The following BRINP1 variants were observed in gnomAD, a reference collection of about 807,000 sequenced individuals.
BRINP1 encodes the protein BMP/retinoic acid inducible neural specific 1, also known as BMP/retinoic acid-inducible neural-specific protein 1.
A neutral mutation model predicts 72.9 loss-of-function variants in BRINP1; 17 were observed. The ratio of observed to expected loss-of-function variants is 0.23; its 90% CI spans 0.16 to 0.35. BRINP1 has a LOEUF of 0.35. Among genes scored for constraint, BRINP1 ranks in the 10% least tolerant of loss-of-function variants. The pLI is 1.00. For missense variants in BRINP1, 850 were observed against 1,001.6 expected, an observed-to-expected ratio of 0.85 and a Z score of 2.04; for synonymous variants, 418 against 378.5, an observed-to-expected ratio of 1.10 and a Z score of -1.21.
intron 5 of BRINP1, among the ~76,000 whole-genome samples, chr9:119,217,820 G>A (rs761419847): frequency 1.3e-5 from 2 of 151,728 alleles, no homozygotes; most frequent in African/African-American, 2.4e-5. Flanking sequence ...ATTCTCTTCT[G>A]TACTGAGAAT....
At chr9:119,358,861 G>A (rs139987095) in intron 1 of BRINP1, among the ~76,000 whole-genome samples, 2,797 of 152,188 alleles carry the variant, frequency 0.018, 73 homozygotes, top group African/African-American at 0.049. Context: ...ATCATTTTGC[G>A]TTCTCCCACG....
At chr9:119,191,809 G>C (rs1829686600) in intron 7 of BRINP1, among the ~76,000 whole-genome samples, 1 of 151,778 alleles carries the variant, frequency 6.6e-6, no homozygotes, top group African/African-American at 2.4e-5. Flanking sequence ...TGAGAAAGAA[G>C]AACAAAGTAA....
intron 2 of BRINP1, among the ~76,000 whole-genome samples, chr9:119,268,338 G>A (rs992214934): frequency 6.6e-6 from 1 of 151,204 alleles, no homozygotes; most frequent in African/African-American, 2.4e-5. Context: ...CTCTACCATA[G>A]CTGATACGGA....
intron 7 of BRINP1, among the ~76,000 whole-genome samples, chr9:119,182,028 A>G (rs1250731849): frequency 6.6e-6 from 1 of 152,224 alleles, no homozygotes; most frequent in Non-Finnish European, 1.5e-5. Context: ...CACATAGTAA[A>G]TGATCCCTCT....
chr9:119,312,895 G>A (rs559200854), intron 2 of BRINP1, among the ~76,000 whole-genome samples: 18 of 152,094 alleles, frequency 1.2e-4, no homozygotes, highest in East Asian at 7.7e-4. Context: ...TATATAATAC[G>A]TATTAAGCCC....
chr9:119,339,716 G>A lies in BRINP1; in HGVS notation c.-50-26311C>T, dbSNP rs559954519. Among the ~76,000 whole-genome samples the A allele has an allele frequency of 2.6e-5, 4 of 152,256 alleles. No individual in the cohort carries two copies. In the South Asian group the frequency reaches 6.2e-4, roughly 24 times the overall value. On this transcript the variant is annotated intron_variant, in intron 1 of 7. Coordinates refer to ENST00000265922, the MANE Select transcript of BRINP1 (RefSeq NM_014618.3). ...ACAGATGAGGAAACAAGCTCAGAGA[G>A]GTTAAGTGATTCACCCACCGTCACA...
chr9:119,247,203 C>T (rs377224648), intron 3 of BRINP1, among the ~76,000 whole-genome samples: 1 of 152,150 alleles, frequency 6.6e-6, no homozygotes, highest in East Asian at 1.9e-4. Flanking sequence ...GAAATGAATT[C>T]ATTTTCACTT....
intron 2 of BRINP1, among the ~76,000 whole-genome samples, chr9:119,291,935 T>C (rs1830826181): frequency 6.6e-6 from 1 of 152,176 alleles, no homozygotes; most frequent in African/African-American, 2.4e-5. Flanking sequence ...GAGTTGGTTG[T>C]TTTTAATAAT....
intron 5 of BRINP1, among the ~76,000 whole-genome samples, chr9:119,223,958 G>A (rs1830066208): frequency 1.3e-5 from 2 of 152,070 alleles, no homozygotes; most frequent in Admixed American, 1.3e-4. Context: ...TATGATTCTT[G>A]AGGACAATAA....
intron 2 of BRINP1, among the ~76,000 whole-genome samples, chr9:119,252,684 G>T (rs563891607): frequency 6.6e-6 from 1 of 151,866 alleles, no homozygotes; most frequent in Admixed American, 6.6e-5. Context: ...AACTGTTAAA[G>T]GTCATGTAGC....
chr9:119,235,502 T>A (rs1830185165), intron 5 of BRINP1, among the ~76,000 whole-genome samples: 1 of 152,216 alleles, frequency 6.6e-6, no homozygotes, highest in Non-Finnish European at 1.5e-5. Flanking sequence ...TAAGTCCCTA[T>A]GCTATCTCGT....
In BRINP1 at chr9:119,313,198, C is replaced by A; in HGVS notation, c.158G>T (p.Ser53Ile). 2 of 1,614,116 alleles carry A rather than the reference C, an allele frequency of 1.2e-6. No homozygotes were observed. Among genetic ancestry groups the A allele is most frequent in the Non-Finnish European group, 1.7e-6 (2 of 1,180,018 alleles). Residue 53 changes from serine (S) to isoleucine (I), a missense_variant, in exon 2 of 8, where the codon AGC becomes ATC. Ser to Ile is a moderately radical substitution (Grantham distance 142). Coordinates refer to ENST00000265922, the MANE Select transcript of BRINP1 (RefSeq NM_014618.3). ...SDRGPFHHSR[S>I]YLSFVERHRQ... ...GTGTCTTTCCACAAAGGATAGGTAG[C>A]TCCTGGAGTGGTGGAAAGGCCCCCT... is the stretch of plus-strand genomic sequence containing the variant.
intron 6 of BRINP1, 41 bp from the exon 7 acceptor site, chr9:119,208,982 A>T (rs1423652243): frequency 1.3e-6 from 2 of 1,530,550 alleles, no homozygotes; most frequent in Non-Finnish European, 1.8e-6. Context: ...GCTAAGCATG[A>T]TAACACCCAT....
intron 5 of BRINP1, among the ~76,000 whole-genome samples, chr9:119,223,641 C>T (rs76296310): frequency 2.6e-5 from 4 of 152,040 alleles, no homozygotes; most frequent in East Asian, 1.9e-4. Context: ...ACCCAGAGTA[C>T]GTGTTTGAAT....
At chr9:119,323,182 T>C (rs186885009) in intron 1 of BRINP1, among the ~76,000 whole-genome samples, 3 of 152,186 alleles carry the variant, frequency 2.0e-5, no homozygotes, top group Admixed American at 1.3e-4. Flanking sequence ...ACCTCAAGCT[T>C]CCACAGGACA....
rs575578557 is a variant in BRINP1, at chr9:119,268,511, C to A, written c.219-19361G>T. Among the ~76,000 whole-genome samples the A allele has an allele frequency of 5.9e-5, 9 of 152,224 alleles. No homozygotes were observed. The South Asian group carries it at 1.7e-3, about 28-fold the overall frequency. On this transcript the variant is annotated intron_variant, in intron 2 of 7. Transcript: ENST00000265922. ...CAGCGCTAAGATCTCTACCATGCTG[C>A]CTTGCACCATGAAAGCTCAAGGCAA...
At chr9:119,223,221 A>G (rs1830058614) in intron 5 of BRINP1, among the ~76,000 whole-genome samples, 1 of 152,124 alleles carries the variant, frequency 6.6e-6, no homozygotes, top group African/African-American at 2.4e-5. Context: ...GAGCTATTTT[A>G]TATCTTGATT....
rs199738303 is a variant in BRINP1, at chr9:119,189,616, C to A, written c.1145+19103G>T. On this transcript the variant is annotated intron_variant, in intron 7 of 7. Coordinates refer to ENST00000265922, the MANE Select transcript of BRINP1 (RefSeq NM_014618.3). The stretch of plus-strand genomic sequence containing the variant: ...TAAAAGCATCAGTTCATCAAGAGGA[C>A]ATAGCAAATATAAATATACATATGC... 3.9e-4 allele frequency among the ~76,000 whole-genome samples: 60 copies of A among 152,142 alleles called. No individual in the cohort carries two copies. In the East Asian group the frequency reaches 0.011, roughly 29 times the overall value.
intron 7 of BRINP1, among the ~76,000 whole-genome samples, chr9:119,196,191 G>A (rs940653586): frequency 2.6e-5 from 4 of 152,072 alleles, no homozygotes; most frequent in African/African-American, 7.2e-5. Flanking sequence ...CTGGTATGGC[G>A]CTTAGACCAG....
Sources: gnomAD v4.1 joint callset for allele counts (sites outside exome capture counted in the v4.1 genomes callset) on GRCh38, gnomAD v4.1.1 for gene constraint, MANE v1.5 for transcripts, NCBI Gene and HGNC (gene_info 2026-07-23, HGNC 2026-07-21) for gene names.